Variants in CNTLN observed in about 807,000 individuals in gnomAD.
The protein encoded by CNTLN is centlein, centrosomal protein.
A neutral mutation model predicts 180.0 loss-of-function variants in CNTLN; 212 were observed. The observed-to-expected ratio is 1.18, with a 90% CI of 1.05 to 1.32. CNTLN has a LOEUF of 1.32. Ranked by LOEUF, CNTLN falls within the 40% of genes most tolerant of loss-of-function variation. The pLI is 0.00. For synonymous variants in CNTLN, 722 were observed against 563.1 expected (o/e 1.28, Z -3.99); for missense variants, 2,095 against 1,610.9 (o/e 1.30, Z -5.14).
At position 17,149,370 on chromosome 9, in the gene CNTLN, C is replaced by G. The variant is rs569160023; in HGVS notation, c.449+5994C>G. ...GCTGGGCCAAATGGTATTTCTAGTT[C>G]TAGATCCTTGAGGAATCGCCACACT... is the stretch of plus-strand genomic sequence containing the variant. On this transcript the variant is annotated intron_variant, in intron 2 of 25. Transcript: ENST00000380647. Among the ~76,000 whole-genome samples, 7 of 152,158 alleles carry G rather than the reference C, an allele frequency of 4.6e-5. No individual in the cohort carries two copies. In the East Asian group the frequency reaches 1.4e-3, roughly 29 times the overall value.
chr9:17,279,794 G>T (rs1411410099), intron 6 of CNTLN, among the ~76,000 whole-genome samples: 1 of 152,234 alleles, frequency 6.6e-6, no homozygotes, highest in Non-Finnish European at 1.5e-5. Flanking sequence ...CCCATCCAAA[G>T]TTCATGTTGA....
chr9:17,237,354 TACACACACACACACAC>T lies in CNTLN; in HGVS notation c.849+803_849+818del, dbSNP rs59168012. ...GGTGGTCTCTCCATGTATATGCCCCTACACACACACACACACACACACACACACACACACACACACA... is the reference window on the plus strand; with the variant it reads ...GGTGGTCTCTCCATGTATATGCCCCTACACACACACACACACACACACACA... On this transcript the variant is annotated intron_variant, in intron 5 of 25. Transcript: ENST00000380647. Among the ~76,000 whole-genome samples, 437 of 106,484 alleles carry T rather than the reference TACACACACACACACAC, an allele frequency of 4.1e-3. 2 individuals are homozygous for T. The highest frequency in any genetic ancestry group is 0.012 in the African/African-American group (334 of 28,512). 69.9% of individuals were successfully genotyped at this position (106,484 alleles called of 152,430 possible). A position where few individuals can be genotyped will look rare whatever the true frequency, so the allele number is the denominator to read the frequency against.
intron 7 of CNTLN, chr9:17,298,763 A>G: frequency 1.0e-6 from 1 of 988,612 alleles, no homozygotes; most frequent in Non-Finnish European, 1.2e-6. Context: ...TCACAAATAC[A>G]AAGGGGATTG....
chr9:17,377,930 A>C (rs978365834), intron 13 of CNTLN, among the ~76,000 whole-genome samples: 3 of 152,192 alleles, frequency 2.0e-5, no homozygotes, highest in Non-Finnish European at 4.4e-5. Context: ...ATATTCCTGA[A>C]ATACCTATGC....
intron 23 of CNTLN, among the ~76,000 whole-genome samples, chr9:17,474,885 A>G (rs1244172374): frequency 1.3e-5 from 2 of 151,070 alleles, no homozygotes; most frequent in African/African-American, 2.4e-5. Context: ...AAAAAAAGGG[A>G]AAATATCCAA....
At chr9:17,363,548 TA>T (rs1269173900) in intron 12 of CNTLN, among the ~76,000 whole-genome samples, 3 of 151,698 alleles carry the variant, frequency 2.0e-5, no homozygotes, top group East Asian at 1.9e-4. Flanking sequence ...TTTTTATATT[TA>T]TTTTTTATTC....
chr9:17,257,828 G>T (rs1194058458), intron 5 of CNTLN, among the ~76,000 whole-genome samples: 1 of 147,172 alleles, frequency 6.8e-6, no homozygotes, highest in African/African-American at 2.6e-5. Flanking sequence ...GGGGTTGTTT[G>T]TTTTTTTCTT....
intron 2 of CNTLN, among the ~76,000 whole-genome samples, chr9:17,154,623 T>G (rs977250638): frequency 3.3e-5 from 5 of 152,100 alleles, no homozygotes; most frequent in Non-Finnish European, 5.9e-5. Flanking sequence ...GGCTTCTGGG[T>G]TGGGTGGGGA....
At chr9:17,318,649 C>T (rs12337171) in intron 8 of CNTLN, among the ~76,000 whole-genome samples, 77,655 of 152,090 alleles carry the variant, frequency 0.51, 20,942 homozygotes, top group Non-Finnish European at 0.6. Context: ...ATTCTCACAG[C>T]TCTCCTAGCA....
At chr9:17,351,712 C>T (rs1460185930) in intron 12 of CNTLN, among the ~76,000 whole-genome samples, 1 of 152,158 alleles carries the variant, frequency 6.6e-6, no homozygotes, top group Non-Finnish European at 1.5e-5. Flanking sequence ...AACTCATAAA[C>T]ATCTGCATCC....
chr9:17,143,296 A>C lies in CNTLN; in HGVS notation c.369A>C (p.Lys123Asn), dbSNP rs144902675. 5.6e-6 allele frequency: 9 copies of C among 1,612,106 alleles called. No homozygotes were observed. In the East Asian group the frequency reaches 2.0e-4, roughly 36 times the overall value. The change falls in exon 2 of 26, where the codon AAA (lysine) becomes AAC (asparagine). Residue 123 changes from lysine (K) to asparagine (N), a missense_variant. Transcript: ENST00000380647. ...TCTTTTATTTCTTTAAGGCTGATAA[A>C]GAATTTGTATGGTCTTTGTGGAAAC... ...KEELALCQADKEFVWSLWKRL... is the reference protein window; with the variant it reads ...KEELALCQADNEFVWSLWKRL...
chr9:17,290,470 G>T (rs894390963), intron 6 of CNTLN, among the ~76,000 whole-genome samples: 6 of 147,572 alleles, frequency 4.1e-5, no homozygotes, highest in Non-Finnish European at 7.5e-5. Flanking sequence ...TTGTTTGTCT[G>T]TGCCCTGCCC....
Position 17,281,963 on chromosome 9 carries a change from C to CTT in CNTLN, c.983+8105_983+8106dup, listed in dbSNP as rs35486436. Among the ~76,000 whole-genome samples, 7 of 151,236 alleles carry CTT rather than the reference C, an allele frequency of 4.6e-5. No homozygotes were observed. In the East Asian group the frequency reaches 7.9e-4, roughly 17 times the overall value. The stretch of plus-strand genomic sequence containing the variant: ...CTCGCCAGAATCTGTTGTTCCTTGA[C>CTT]TTTTTTTTTGTTTGTTTTGAGACGA... On this transcript the variant is annotated intron_variant, in intron 6 of 25. Coordinates refer to ENST00000380647, the MANE Select transcript of CNTLN (RefSeq NM_017738.4).
chr9:17,298,484 A>G, intron 7 of CNTLN, 132 bp downstream of exon 7: 1 of 1,339,174 alleles, frequency 7.5e-7, no homozygotes, highest in South Asian at 2.2e-5. Context: ...CAAAATTTAG[A>G]AGTGAAGGAT....
intron 2 of CNTLN, chr9:17,166,952 G>A (rs1424909014): frequency 2.3e-6 from 1 of 440,822 alleles, no homozygotes; most frequent in South Asian, 1.7e-5. Flanking sequence ...AGAAGATTGA[G>A]AAGACTTGGT....
chr9:17,484,925 A>C (rs1455333111), intron 24 of CNTLN, among the ~76,000 whole-genome samples: 1 of 152,112 alleles, frequency 6.6e-6, no homozygotes, highest in Non-Finnish European at 1.5e-5. Context: ...ATTATTATTC[A>C]CCAGTATACG....
At chr9:17,295,997 A>AGTGTGTGT (rs66515360) in intron 6 of CNTLN, among the ~76,000 whole-genome samples, 2 of 91,290 alleles carry the variant, frequency 2.2e-5, no homozygotes, top group Non-Finnish European at 2.0e-5. Context: ...AGAGAGAGAG[A>AGTGTGTGT]GTGTGTGTGT....
chr9:17,157,750 A>G (rs1042730143), intron 2 of CNTLN, among the ~76,000 whole-genome samples: 7 of 152,310 alleles, frequency 4.6e-5, no homozygotes, highest in South Asian at 2.1e-4. Context: ...CATGTATGTC[A>G]TATTTTTTAC....
At chr9:17,179,635 A>G (rs1335535772) in intron 2 of CNTLN, among the ~76,000 whole-genome samples, 3 of 152,138 alleles carry the variant, frequency 2.0e-5, no homozygotes, top group Non-Finnish European at 4.4e-5. Context: ...AATAATATAT[A>G]TTTTGCTGAT....
Sources: gnomAD v4.1 joint callset for allele counts (sites outside exome capture counted in the v4.1 genomes callset) on GRCh38, gnomAD v4.1.1 for gene constraint, MANE v1.5 for transcripts, NCBI Gene and HGNC (gene_info 2026-07-23, HGNC 2026-07-21) for gene names.